PURA: variants seen among roughly 807,000 people sequenced by gnomAD.
PURA encodes purine rich element binding protein A, also known as transcriptional activator protein Pur-alpha.
PURA carries 2 observed loss-of-function variants against 23.1 expected under a neutral mutation model. That is an observed-to-expected ratio of 0.09 (90% CI 0.04 to 0.27). The LOEUF (loss-of-function observed/expected upper bound fraction) is 0.27. Ranked by LOEUF, PURA falls within the 10% of genes least tolerant of loss-of-function variation. The pLI is 1.00. For missense variants in PURA, 187 were observed against 449.7 expected (o/e 0.42, Z 5.28); for synonymous variants, 254 against 205.9 (o/e 1.23, Z -2.00).
rs929915198 is a variant in PURA, at chr5:140,117,283, A to G, written c.*2133A>G. 4 of 167,016 alleles carry G rather than the reference A, an allele frequency of 2.4e-5. No individual in the cohort carries two copies. The highest frequency in any genetic ancestry group is 7.2e-5 in the African/African-American group (3 of 41,456). The allele number at this position is 167,016 out of a possible 1,614,324, so 10.3% of individuals were successfully genotyped here. ...CCAGAGGTGCATTTTTCTTATTTCC[A>G]TATAGTAAAGTTGAGCTTTTACAGT... On this transcript the variant is annotated 3_prime_UTR_variant, in exon 1 of 1. Transcript: ENST00000331327.
chr5:140,124,359 G>T lies in PURA; in HGVS notation c.*9209G>T, dbSNP rs557972767. 18 of 167,048 alleles carry T rather than the reference G, an allele frequency of 1.1e-4. No individual in the cohort carries two copies. The South Asian group carries it at 1.5e-3, about 14-fold the overall frequency. The allele number at this position is 167,048 out of a possible 1,614,324, so 10.3% of individuals were successfully genotyped here. On this transcript the variant is annotated 3_prime_UTR_variant, in exon 1 of 1. Coordinates refer to ENST00000331327, the MANE Select transcript of PURA (RefSeq NM_005859.5). Reference sequence around the variant, plus strand: ...ATGCCTGAGTGTGTTTCCAGATTGGGGGGGGAGAGGTGGTGTTTTACTTTT... The same window carrying T: ...ATGCCTGAGTGTGTTTCCAGATTGGTGGGGGAGAGGTGGTGTTTTACTTTT...
rs1387928367 is a variant in PURA, at chr5:140,120,115, A to G, written c.*4965A>G. On this transcript the variant is annotated 3_prime_UTR_variant, in exon 1 of 1. Transcript: ENST00000331327. ...AAAACAAGGGCATCTGTAGCAACTTAGGTTTGGAATAGTTGGTGATGACTC... is the reference window on the plus strand; with the variant it reads ...AAAACAAGGGCATCTGTAGCAACTTGGGTTTGGAATAGTTGGTGATGACTC... 1 of 166,834 alleles carries G rather than the reference A, an allele frequency of 6.0e-6. No homozygotes were observed. 10.3% of individuals were successfully genotyped at this position (166,834 alleles called of 1,614,324 possible). A position where few individuals can be genotyped will look rare whatever the true frequency, so the allele number is the denominator to read the frequency against.
chr5:140,121,776 A>G lies in PURA; in HGVS notation c.*6626A>G, dbSNP rs1446746144. On this transcript the variant is annotated 3_prime_UTR_variant, in exon 1 of 1. Coordinates refer to ENST00000331327, the MANE Select transcript of PURA (RefSeq NM_005859.5). ...TAAATTAATGTTAAGAAACTTGTGA[A>G]CTGAAGAGAGTAAGAAGTATGTGTA... 1 of 166,904 alleles carries G rather than the reference A, an allele frequency of 6.0e-6. No homozygotes were observed. The highest frequency in any genetic ancestry group is 2.4e-5 in the African/African-American group (1 of 41,432). The allele number at this position is 166,904 out of a possible 1,614,324, so 10.3% of individuals were successfully genotyped here. A position where few individuals can be genotyped will look rare whatever the true frequency, so the allele number is the denominator to read the frequency against.
In PURA at chr5:140,120,272, C is replaced by A. The variant is rs530537291; in HGVS notation, c.*5122C>A. ...GTGTGTATATGTATATAGATACACA[C>A]ATCTCCTTGAGAGTGGAATAAGTAG... On this transcript the variant is annotated 3_prime_UTR_variant, in exon 1 of 1. Transcript: ENST00000331327. 3 of 166,770 alleles carry A rather than the reference C, an allele frequency of 1.8e-5. No individual in the cohort carries two copies. The highest frequency in any genetic ancestry group is 4.4e-5 in the Non-Finnish European group (3 of 67,962). 10.3% of individuals were successfully genotyped at this position (166,770 alleles called of 1,614,324 possible). A position where few individuals can be genotyped will look rare whatever the true frequency, so the allele number is the denominator to read the frequency against.
Position 140,122,954 on chromosome 5 carries a change from CTT to C in PURA, c.*7807_*7808del, listed in dbSNP as rs199691290. The C allele has an allele frequency of 4.7e-4, 79 of 166,790 alleles. 2 individuals are homozygous for C. In the East Asian group the frequency reaches 0.014, roughly 29 times the overall value. The allele number at this position is 166,790 out of a possible 1,614,324, so 10.3% of individuals were successfully genotyped here. On this transcript the variant is annotated 3_prime_UTR_variant, in exon 1 of 1. Coordinates refer to ENST00000331327, the MANE Select transcript of PURA (RefSeq NM_005859.5). The stretch of plus-strand genomic sequence containing the variant: ...CTCTATATATTAGTGATAAAAATCT[CTT>C]TTAAAAATAGCAAAAAAGTGGTTCT...
In PURA at chr5:140,119,548, G is replaced by T. The variant is rs550504926; in HGVS notation, c.*4398G>T. The T allele has an allele frequency of 1.0e-4, 17 of 166,828 alleles. No homozygotes were observed. Among genetic ancestry groups the T allele is most frequent in the Admixed American group, 4.6e-4 (7 of 15,266 alleles). The allele number at this position is 166,828 out of a possible 1,614,324, so 10.3% of individuals were successfully genotyped here. ...CCGTTGATAATGAGAATCTGGGTGG[G>T]TATCATGGCCCAAGCACTTTATATC... On this transcript the variant is annotated 3_prime_UTR_variant, in exon 1 of 1. Coordinates refer to ENST00000331327, the MANE Select transcript of PURA (RefSeq NM_005859.5).
At position 140,121,106 on chromosome 5, in the gene PURA, T is replaced by C. The variant is rs1013582955; in HGVS notation, c.*5956T>C. The C allele has an allele frequency of 1.8e-5, 3 of 166,930 alleles. No homozygotes were observed. The highest frequency in any genetic ancestry group is 4.4e-5 in the Non-Finnish European group (3 of 68,018). 10.3% of individuals were successfully genotyped at this position (166,930 alleles called of 1,614,324 possible). On this transcript the variant is annotated 3_prime_UTR_variant, in exon 1 of 1. Transcript: ENST00000331327. The stretch of plus-strand genomic sequence containing the variant: ...AATTAGCTTATTTTGTAGCATTAGA[T>C]GGAAAAATGTTTAAGCTAAAGAGTT...
In PURA at chr5:140,117,202, A is replaced by G. The variant is rs1763090394; in HGVS notation, c.*2052A>G. 6.0e-6 allele frequency: 1 copy of G among 167,098 alleles called. No homozygotes were observed. The highest frequency in any genetic ancestry group is 2.1e-4 in the South Asian group (1 of 4,826). The allele number at this position is 167,098 out of a possible 1,614,324, so 10.4% of individuals were successfully genotyped here. On this transcript the variant is annotated 3_prime_UTR_variant, in exon 1 of 1. Coordinates refer to ENST00000331327, the MANE Select transcript of PURA (RefSeq NM_005859.5). ...AATATGAGGTGACCGTACAGTAGTT[A>G]GGAGTTTCTTTACTTACAAAATCAC... is the stretch of plus-strand genomic sequence containing the variant.
chr5:140,114,310 T>TGGC lies in PURA; in HGVS notation c.144_146dup (p.Gly49dup), dbSNP rs754074166. ...GTGGCGGCGGGGGCGGCGGCGGCAG[T>TGGC]GGCGGCGGCGGCGGCGGGGCCCCAG... is the stretch of plus-strand genomic sequence containing the variant. On this transcript the variant is annotated inframe_insertion, in exon 1 of 1. Transcript: ENST00000331327. The TGGC allele has an allele frequency of 5.7e-4, 741 of 1,291,082 alleles. 1 individual carries two copies. The highest frequency in any genetic ancestry group is 2.3e-3 in the Middle Eastern group (9 of 3,890). The allele number at this position is 1,291,082 out of a possible 1,614,324, so 80.0% of individuals were successfully genotyped here.
chr5:140,115,256 A>C lies in PURA; in HGVS notation c.*106A>C. 1.3e-6 allele frequency: 1 copy of C among 795,998 alleles called. No individual in the cohort carries two copies. Among genetic ancestry groups the C allele is most frequent in the South Asian group, 3.3e-5 (1 of 30,238 alleles). The allele number at this position is 795,998 out of a possible 1,614,324, so 49.3% of individuals were successfully genotyped here. ...AGAAAGAGAGAAAATAAAAAGTTAA[A>C]AAGTTAAAAAAAAAAAAAAACCTGT... On this transcript the variant is annotated 3_prime_UTR_variant, in exon 1 of 1. Transcript: ENST00000331327. The surrounding 1 kb of genome is among the most constrained non-coding windows in gnomAD (Gnocchi z 4.1).
At position 140,124,946 on chromosome 5, in the gene PURA, A is replaced by G. The variant is rs977800511; in HGVS notation, c.*9796A>G. 1 of 167,166 alleles carries G rather than the reference A, an allele frequency of 6.0e-6. No individual in the cohort carries two copies. 10.4% of individuals were successfully genotyped at this position (167,166 alleles called of 1,614,324 possible). On this transcript the variant is annotated 3_prime_UTR_variant, in exon 1 of 1. Transcript: ENST00000331327. ...CCAGTTTGAAGCACTTATTTTCCCA[A>G]TGTGAATAAAGGGAAAAGATCAGCA...
In PURA at chr5:140,114,316, C is replaced by G. The variant is rs1763039305; in HGVS notation, c.135C>G (p.Gly45=). 3.0e-6 allele frequency: 4 copies of G among 1,317,486 alleles called. No individual in the cohort carries two copies. In the East Asian group the frequency reaches 1.2e-4, roughly 39 times the overall value. 81.6% of individuals were successfully genotyped at this position (1,317,486 alleles called of 1,614,324 possible). ...GGGGGGGGSG[G]GGGGAPGGLQ... is the part of the protein sequence containing the mutation. Reference sequence around the variant, plus strand: ...GCGGGGGCGGCGGCGGCAGTGGCGGCGGCGGCGGCGGGGCCCCAGGGGGGC... The same window carrying G: ...GCGGGGGCGGCGGCGGCAGTGGCGGGGGCGGCGGCGGGGCCCCAGGGGGGC... The change falls in exon 1 of 1, where the codon GGC becomes GGG. Residue 45 remains glycine (G), a synonymous_variant. Transcript: ENST00000331327.
rs1408527851 is a variant in PURA at position 140,122,361 on chromosome 5, A to G, written c.*7211A>G. ...CCTTTACTTTTCAAATGGTCCTTAGATCAAATTATTTGATTTTGTACTCCA... is the reference window on the plus strand; with the variant it reads ...CCTTTACTTTTCAAATGGTCCTTAGGTCAAATTATTTGATTTTGTACTCCA... On this transcript the variant is annotated 3_prime_UTR_variant, in exon 1 of 1. Transcript: ENST00000331327. 4 of 166,796 alleles carry G rather than the reference A, an allele frequency of 2.4e-5. No individual in the cohort carries two copies. The highest frequency in any genetic ancestry group is 4.4e-5 in the Non-Finnish European group (3 of 67,994). 10.3% of individuals were successfully genotyped at this position (166,796 alleles called of 1,614,324 possible).
rs1383833312 is a variant in PURA, at chr5:140,122,493, G to A, written c.*7343G>A. The A allele has an allele frequency of 1.2e-5, 2 of 166,672 alleles. No homozygotes were observed. The highest frequency in any genetic ancestry group is 6.6e-5 in the Admixed American group (1 of 15,240). 10.3% of individuals were successfully genotyped at this position (166,672 alleles called of 1,614,324 possible). ...TAAAAACACTAACTTGCAATTTTAG[G>A]TGTCTTTTTTATTTCTTTTACATTT... On this transcript the variant is annotated 3_prime_UTR_variant, in exon 1 of 1. Transcript: ENST00000331327.
rs1362844250 is a variant in PURA, at chr5:140,118,169, A to G, written c.*3019A>G. ...GAAGACAGTATGATCAAATGTGCCA[A>G]AAACAAGCAAACAAAACTTAATTCC... On this transcript the variant is annotated 3_prime_UTR_variant, in exon 1 of 1. Coordinates refer to ENST00000331327, the MANE Select transcript of PURA (RefSeq NM_005859.5). The G allele has an allele frequency of 1.2e-5, 2 of 167,154 alleles. No homozygotes were observed. The highest frequency in any genetic ancestry group is 4.8e-5 in the African/African-American group (2 of 41,594). The allele number at this position is 167,154 out of a possible 1,614,324, so 10.4% of individuals were successfully genotyped here. A position where few individuals can be genotyped will look rare whatever the true frequency, so the allele number is the denominator to read the frequency against.
rs1763152819 is a variant in PURA at position 140,121,494 on chromosome 5, CT to C, written c.*6345del. 6.0e-6 allele frequency: 1 copy of C among 166,808 alleles called. No homozygotes were observed. The highest frequency in any genetic ancestry group is 1.5e-5 in the Non-Finnish European group (1 of 67,950). The allele number at this position is 166,808 out of a possible 1,614,324, so 10.3% of individuals were successfully genotyped here. A position where few individuals can be genotyped will look rare whatever the true frequency, so the allele number is the denominator to read the frequency against. On this transcript the variant is annotated 3_prime_UTR_variant, in exon 1 of 1. Transcript: ENST00000331327. Reference sequence around the variant, plus strand: ...TAGTTGGTGGTGGTACTTGACCTACCTCCTTACCATGTACATCTGGCATCTT... The same window carrying C: ...TAGTTGGTGGTGGTACTTGACCTACCCCTTACCATGTACATCTGGCATCTT...
rs1166620638 is a variant in PURA, at chr5:140,124,265, T to C, written c.*9115T>C. Reference sequence around the variant, plus strand: ...ATTTCATTTTATATTCCCTTTCCCATAGCTTTGTACACACCTCATACTTAA... The same window carrying C: ...ATTTCATTTTATATTCCCTTTCCCACAGCTTTGTACACACCTCATACTTAA... On this transcript the variant is annotated 3_prime_UTR_variant, in exon 1 of 1. Coordinates refer to ENST00000331327, the MANE Select transcript of PURA (RefSeq NM_005859.5). The C allele has an allele frequency of 6.0e-6, 1 of 167,040 alleles. No homozygotes were observed. Among genetic ancestry groups the C allele is most frequent in the African/African-American group, 2.4e-5 (1 of 41,446 alleles). The allele number at this position is 167,040 out of a possible 1,614,324, so 10.3% of individuals were successfully genotyped here. A position where few individuals can be genotyped will look rare whatever the true frequency, so the allele number is the denominator to read the frequency against.
chr5:140,120,226 A>G lies in PURA; in HGVS notation c.*5076A>G, dbSNP rs552925396. Reference sequence around the variant, plus strand: ...GATGTATACACACACATACACATATATATGTATATATACATTGTGTGTGTG... The same window carrying G: ...GATGTATACACACACATACACATATGTATGTATATATACATTGTGTGTGTG... On this transcript the variant is annotated 3_prime_UTR_variant, in exon 1 of 1. Transcript: ENST00000331327. The G allele has an allele frequency of 1.8e-5, 3 of 166,896 alleles. No individual in the cohort carries two copies. Among genetic ancestry groups the G allele is most frequent in the Admixed American group, 6.5e-5 (1 of 15,272 alleles). 10.3% of individuals were successfully genotyped at this position (166,896 alleles called of 1,614,324 possible).
rs1169900743 is a variant in PURA at position 140,114,856 on chromosome 5, T to C, written c.675T>C (p.Thr225=). The change falls in exon 1 of 1, where the codon ACT becomes ACC. Residue 225 remains threonine, a synonymous_variant. Transcript: ENST00000331327. ...AGCTGCCCGAGGGCACCTCCTTGAC[T>C]GTGGACAACAAGCGCTTCTTCTTCG... ...PAELPEGTSL[T]VDNKRFFFDV... is the part of the protein sequence containing the mutation. 6.2e-7 allele frequency: 1 copy of C among 1,614,204 alleles called. No homozygotes were observed. Among genetic ancestry groups the C allele is most frequent in the Non-Finnish European group, 8.5e-7 (1 of 1,180,024 alleles).
Sources: allele counts gnomAD v4.1 joint callset, GRCh38; gene constraint gnomAD v4.1.1; non-coding constraint Gnocchi (gnomAD v3.1); transcripts MANE v1.5; gene names NCBI Gene and HGNC (gene_info 2026-07-23, HGNC 2026-07-21).